Variants in CA5A observed in about 807,000 individuals in gnomAD.
CA5A encodes the protein carbonic anhydrase 5A, mitochondrial.
A neutral mutation model predicts 37.1 loss-of-function variants in CA5A; 28 were observed. That is an observed-to-expected ratio of 0.75 (90% CI 0.56 to 1.03). The LOEUF is 1.03. Ranked by LOEUF, CA5A falls within the 50% of genes least tolerant of loss-of-function variation. The pLI is 0.00. For missense variants in CA5A, 444 were observed against 399.9 expected, an observed-to-expected ratio of 1.11 and a Z score of -0.94; for synonymous variants, 171 against 158.4, an observed-to-expected ratio of 1.08 and a Z score of -0.60.
intron 5 of CA5A, among the ~76,000 whole-genome samples, chr16:87,896,840 A>C (rs1266975458): frequency 1.3e-5 from 2 of 152,128 alleles, no homozygotes; most frequent in East Asian, 1.9e-4. Context: ...GGGTTTCTCT[A>C]TGTTGGTCAG....
chr16:87,922,823 A>T (rs1315005229), intron 2 of CA5A, among the ~76,000 whole-genome samples: 1 of 152,212 alleles, frequency 6.6e-6, no homozygotes, highest in African/African-American at 2.4e-5. Context: ...CTTTCTCTAA[A>T]CGGTGCCTGC....
chr16:87,886,462 G>C (rs1276898232), downstream of CA5A: 1 of 152,120 alleles, frequency 6.6e-6, no homozygotes, highest in Non-Finnish European at 1.5e-5. Context: ...TACCTTTCCT[G>C]TTTAGATCTA....
intron 1 of CA5A, among the ~76,000 whole-genome samples, chr16:87,935,598 A>G (rs1446887331): frequency 6.6e-6 from 1 of 152,144 alleles, no homozygotes; most frequent in Non-Finnish European, 1.5e-5. Flanking sequence ...GAGTGTGGCC[A>G]GGCGCGGTGG....
chr16:87,929,549 C>T (rs1437937691), intron 1 of CA5A, among the ~76,000 whole-genome samples: 1 of 151,154 alleles, frequency 6.6e-6, no homozygotes, highest in African/African-American at 2.4e-5. Flanking sequence ...CTTTAATCAA[C>T]TTGAAAAAAT....
intron 2 of CA5A, among the ~76,000 whole-genome samples, chr16:87,912,381 G>C (rs915597494): frequency 6.6e-6 from 1 of 152,176 alleles, no homozygotes; most frequent in African/African-American, 2.4e-5. Flanking sequence ...GCAGAGATCC[G>C]CAGTCCCCTG....
intron 2 of CA5A, among the ~76,000 whole-genome samples, chr16:87,915,947 A>C (rs780702986): frequency 1.1e-4 from 17 of 152,098 alleles, no homozygotes; most frequent in Middle Eastern, 6.8e-3. Context: ...GGTTGAATGG[A>C]CTCACAGTTC....
In CA5A at chr16:87,917,190, C is replaced by T. The variant is rs112450972; in HGVS notation, c.340+9558G>A. Among the ~76,000 whole-genome samples the T allele has an allele frequency of 8.7e-3, 1,330 of 152,144 alleles. 13 individuals carry two copies. Among genetic ancestry groups the T allele is most frequent in the African/African-American group, 0.03 (1,244 of 41,500 alleles). On this transcript the variant is annotated intron_variant, in intron 2 of 6. Transcript: ENST00000649794. ...CCAAATGATAACAACAGTGGCTCCA[C>T]TGCCTGACATTTTGTCCAACATGAT... is the stretch of plus-strand genomic sequence containing the variant.
intron 2 of CA5A, among the ~76,000 whole-genome samples, chr16:87,917,269 A>C (rs2056159391): frequency 6.6e-6 from 1 of 152,108 alleles, no homozygotes; most frequent in Non-Finnish European, 1.5e-5. Flanking sequence ...ACCATGCTGG[A>C]CCAATCAGAG....
intron 2 of CA5A, among the ~76,000 whole-genome samples, chr16:87,920,827 CTT>C (rs1308197843): frequency 1.3e-5 from 2 of 151,740 alleles, no homozygotes; most frequent in Non-Finnish European, 2.9e-5. Flanking sequence ...AGGTTTCACT[CTT>C]GTCACCCAGG....
At chr16:87,895,973 A>G (rs903833322) in intron 5 of CA5A, among the ~76,000 whole-genome samples, 1 of 151,980 alleles carries the variant, frequency 6.6e-6, no homozygotes, top group African/African-American at 2.4e-5. Flanking sequence ...GTGCAGTGAG[A>G]CATCAGTCTG....
chr16:87,923,259 G>A (rs1025164621), intron 2 of CA5A, among the ~76,000 whole-genome samples: 4 of 152,092 alleles, frequency 2.6e-5, no homozygotes, highest in Admixed American at 6.6e-5. Flanking sequence ...CTCGATCTCT[G>A]CTCACTGCAA....
At chr16:87,901,770 G>C in intron 5 of CA5A, 142 bp downstream of exon 5, 2 of 566,706 alleles carry the variant, frequency 3.5e-6, no homozygotes, top group Non-Finnish European at 6.6e-6. Flanking sequence ...TATTTTTAGT[G>C]GAGACGGGGT....
chr16:87,929,765 G>C (rs376088425), intron 1 of CA5A, among the ~76,000 whole-genome samples: 1 of 150,964 alleles, frequency 6.6e-6, no homozygotes, highest in Non-Finnish European at 1.5e-5. Context: ...CCAGCTACTC[G>C]GGAGGCTGAG....
chr16:87,893,750 A>G (rs1369191645), intron 5 of CA5A: 8 of 458,582 alleles, frequency 1.7e-5, no homozygotes, highest in South Asian at 8.6e-5. Flanking sequence ...ATCAGAGAGG[A>G]TTATTTTGCA....
chr16:87,929,689 C>A lies in CA5A; in HGVS notation c.143-2744G>T, dbSNP rs373883211. Among the ~76,000 whole-genome samples, 138 of 150,944 alleles carry A rather than the reference C, an allele frequency of 9.1e-4. 5 individuals carry two copies. Among genetic ancestry groups the A allele is most frequent in the South Asian group, 2.7e-3 (13 of 4,774 alleles). On this transcript the variant is annotated intron_variant, in intron 1 of 6. Transcript: ENST00000649794. ...AGATCGAGACCATCCTGGCTAACAC[C>A]GTGAAACCCGGTCTCTACTAAAAAT... is the stretch of plus-strand genomic sequence containing the variant.
At chr16:87,921,053 A>T (rs1374011260) in intron 2 of CA5A, among the ~76,000 whole-genome samples, 1 of 152,058 alleles carries the variant, frequency 6.6e-6, no homozygotes, top group East Asian at 1.9e-4. Context: ...TTGGCCTCCC[A>T]AAGTGCTGGG....
At chr16:87,929,723 T>A in intron 1 of CA5A, among the ~76,000 whole-genome samples, 1 of 151,310 alleles carries the variant, frequency 6.6e-6, no homozygotes, top group Non-Finnish European at 1.5e-5. Context: ...ATACAAAAAA[T>A]TAGCCGGGCG....
At chr16:87,908,549 C>G (rs1163715677) in intron 2 of CA5A, among the ~76,000 whole-genome samples, 1 of 152,214 alleles carries the variant, frequency 6.6e-6, no homozygotes, top group Non-Finnish European at 1.5e-5. Context: ...AGTCCACTGA[C>G]AGCCGATGCC....
chr16:87,929,513 T>C (rs1052177375), intron 1 of CA5A, among the ~76,000 whole-genome samples: 1 of 149,610 alleles, frequency 6.7e-6, no homozygotes, highest in Admixed American at 6.6e-5. Flanking sequence ...CTAGGTCAAA[T>C]GGTTAGCGCA....
Sources: allele counts gnomAD v4.1 joint callset (sites outside exome capture counted in the v4.1 genomes callset), GRCh38; gene constraint gnomAD v4.1.1; transcripts MANE v1.5; gene names NCBI Gene and HGNC (gene_info 2026-07-23, HGNC 2026-07-21).